Variants in LAMA2 observed in about 807,000 individuals in gnomAD.
LAMA2 encodes the protein laminin subunit alpha 2, also known as laminin subunit alpha-2.
In LAMA2, 269 loss-of-function variants were observed where a neutral mutation model predicts 364.8. That is an observed-to-expected ratio of 0.74 (90% CI 0.67 to 0.82). The LOEUF is 0.82. Ranked by LOEUF, LAMA2 falls within the 40% of genes least tolerant of loss-of-function variation. The pLI is 0.00. For missense variants in LAMA2, 3,807 were observed against 3,873.2 expected, an observed-to-expected ratio of 0.98 and a Z score of 0.45; for synonymous variants, 1,379 against 1,370.6, an observed-to-expected ratio of 1.01 and a Z score of -0.14.
chr6:129,187,082 G>A (rs1781269584), intron 10 of LAMA2, among the ~76,000 whole-genome samples: 1 of 151,784 alleles, frequency 6.6e-6, no homozygotes, highest in Admixed American at 6.6e-5. Flanking sequence ...TAAAGCAGAT[G>A]GCTTCACTTT....
chr6:128,966,300 G>A (rs1375977165), intron 1 of LAMA2, among the ~76,000 whole-genome samples: 1 of 151,962 alleles, frequency 6.6e-6, no homozygotes, highest in Admixed American at 6.6e-5. Flanking sequence ...TGTGTTTCAT[G>A]TTTGTATAAA....
chr6:129,512,746 T>C (rs1375760434), intron 63 of LAMA2, among the ~76,000 whole-genome samples: 4 of 152,162 alleles, frequency 2.6e-5, no homozygotes, highest in Admixed American at 6.6e-5. Flanking sequence ...ATGAACCAAA[T>C]AGTTTGAGAT....
intron 1 of LAMA2, among the ~76,000 whole-genome samples, chr6:128,976,352 A>C (rs1222488499): frequency 6.6e-6 from 1 of 152,188 alleles, no homozygotes; most frequent in African/African-American, 2.4e-5. Flanking sequence ...TCCCAGTGGC[A>C]GTTGAGTATT....
intron 12 of LAMA2, among the ~76,000 whole-genome samples, chr6:129,241,511 C>G (rs571971920): frequency 1.2e-4 from 18 of 152,248 alleles, no homozygotes; most frequent in African/African-American, 2.6e-4. Context: ...TCATTTCATC[C>G]TAAGAGCAAA....
intron 58 of LAMA2, among the ~76,000 whole-genome samples, chr6:129,496,915 G>A (rs1020249729): frequency 5.3e-5 from 8 of 152,100 alleles, no homozygotes; most frequent in African/African-American, 1.9e-4. Context: ...TATTATGAGG[G>A]AATAAGTTAT....
chr6:129,239,885 A>G (rs149528651), intron 12 of LAMA2, among the ~76,000 whole-genome samples: 52 of 152,258 alleles, frequency 3.4e-4, no homozygotes, highest in South Asian at 1.9e-3. Flanking sequence ...TGATGTATAT[A>G]TGAAGGGGAG....
intron 18 of LAMA2, among the ~76,000 whole-genome samples, chr6:129,282,434 T>G (rs1788785057): frequency 6.6e-6 from 1 of 152,154 alleles, no homozygotes; most frequent in South Asian, 2.1e-4. Flanking sequence ...CTTAGAAACA[T>G]AATCTGAGCC....
chr6:129,245,008 T>G (rs887733069), intron 12 of LAMA2, among the ~76,000 whole-genome samples: 1 of 152,128 alleles, frequency 6.6e-6, no homozygotes, highest in African/African-American at 2.4e-5. Flanking sequence ...TGTTCTTCTT[T>G]TCTTAATGGG....
At chr6:129,428,811 A>G (rs897050195) in intron 41 of LAMA2, among the ~76,000 whole-genome samples, 2 of 152,174 alleles carry the variant, frequency 1.3e-5, no homozygotes, top group Non-Finnish European at 2.9e-5. Context: ...ATCTACTGCC[A>G]TATTATGGGT....
intron 44 of LAMA2, among the ~76,000 whole-genome samples, chr6:129,444,736 A>G (rs1365430234): frequency 2.6e-5 from 4 of 152,258 alleles, no homozygotes; most frequent in South Asian, 4.1e-4. Context: ...CGCAAAGCAG[A>G]TCATTCAGAG....
chr6:129,313,606 T>C (rs1222396772), intron 23 of LAMA2, among the ~76,000 whole-genome samples: 2 of 152,218 alleles, frequency 1.3e-5, no homozygotes, highest in East Asian at 3.8e-4. Flanking sequence ...TGTGCAAATT[T>C]CAGCCCTCAT....
intron 1 of LAMA2, among the ~76,000 whole-genome samples, chr6:128,971,378 G>T (rs74827179): frequency 6.6e-6 from 1 of 152,060 alleles, no homozygotes; most frequent in Non-Finnish European, 1.5e-5. Context: ...GAGTACTTTC[G>T]CAGAAACAAA....
chr6:129,268,230 G>A (rs1489454018), intron 16 of LAMA2, among the ~76,000 whole-genome samples: 1 of 152,030 alleles, frequency 6.6e-6, no homozygotes, highest in East Asian at 1.9e-4. Flanking sequence ...GCATTATGAA[G>A]CATGAGAGCC....
At chr6:128,970,398 A>G (rs921758233) in intron 1 of LAMA2, among the ~76,000 whole-genome samples, 1 of 152,188 alleles carries the variant, frequency 6.6e-6, no homozygotes, top group African/African-American at 2.4e-5. Context: ...GTTCTATGTT[A>G]TATGACCTAC....
intron 1 of LAMA2, among the ~76,000 whole-genome samples, chr6:128,907,970 T>A (rs1479379039): frequency 7.2e-5 from 11 of 152,110 alleles, no homozygotes. Flanking sequence ...CAGCCTTGCA[T>A]CCCAGGGATG....
rs1317517065 is a variant in LAMA2 at position 129,460,330 on chromosome 6, T to C, written c.6992+6T>C. ...TGCAAAGGATGCACTGTCAGGTTAG[T>C]TGAGATGAGAACTCTCCCAGGGTCT... On this transcript the variant is annotated splice_donor_region_variant and intron_variant, in intron 49 of 64. Coordinates refer to ENST00000421865, the MANE Select transcript of LAMA2 (RefSeq NM_000426.4). The C allele has an allele frequency of 1.2e-6, 2 of 1,611,712 alleles. No individual in the cohort carries two copies. The highest frequency in any genetic ancestry group is 2.2e-5 in the East Asian group (1 of 44,794).
chr6:128,994,779 A>G (rs775414629), intron 1 of LAMA2, among the ~76,000 whole-genome samples: 2 of 152,140 alleles, frequency 1.3e-5, no homozygotes, highest in Admixed American at 6.5e-5. Flanking sequence ...TTTGTGGGTG[A>G]CAATTTTTAT....
chr6:129,173,934 C>A (rs1195561149), intron 9 of LAMA2, among the ~76,000 whole-genome samples: 1 of 152,076 alleles, frequency 6.6e-6, no homozygotes, highest in Non-Finnish European at 1.5e-5. Context: ...TTTGTAAGAG[C>A]ACTTTAAATA....
At chr6:129,307,368 A>G (rs1480933056) in intron 22 of LAMA2, among the ~76,000 whole-genome samples, 4 of 152,216 alleles carry the variant, frequency 2.6e-5, no homozygotes, top group South Asian at 2.1e-4. Context: ...CATTCAGTCA[A>G]TGACTCAAGA....
Sources: allele counts gnomAD v4.1 joint callset (sites outside exome capture counted in the v4.1 genomes callset), GRCh38; gene constraint gnomAD v4.1.1; transcripts MANE v1.5; gene names NCBI Gene and HGNC (gene_info 2026-07-23, HGNC 2026-07-21).